SNRNP70: variants seen among roughly 807,000 people sequenced by gnomAD.
SNRNP70 encodes small nuclear ribonucleoprotein U1 subunit 70, also known as U1 small nuclear ribonucleoprotein 70 kDa.
A neutral mutation model predicts 50.5 loss-of-function variants in SNRNP70; 8 were observed. That is an observed-to-expected ratio of 0.16 (90% CI 0.09 to 0.29). The LOEUF (loss-of-function observed/expected upper bound fraction) is 0.29, where lower values mean the gene tolerates loss of function less well. SNRNP70 is among the 10% of genes least tolerant of loss of function. SNRNP70 has a pLI of 1.00. For synonymous variants in SNRNP70, 320 were observed against 252.9 expected, an observed-to-expected ratio of 1.27 and a Z score of -2.52; for missense variants, 529 against 663.5, an observed-to-expected ratio of 0.80 and a Z score of 2.23.
chr19:49,094,567 G>A (rs974066571), intron 4 of SNRNP70, among the ~76,000 whole-genome samples: 2 of 152,100 alleles, frequency 1.3e-5, no homozygotes, highest in Admixed American at 6.6e-5. Context: ...TAATGGAAGC[G>A]GGCTCATGGG....
chr19:49,093,041 G>C (rs1056762217), intron 4 of SNRNP70, among the ~76,000 whole-genome samples: 7 of 147,840 alleles, frequency 4.7e-5, no homozygotes, highest in Non-Finnish European at 9.0e-5. Flanking sequence ...TCGGCCCCCA[G>C]AGTGTTGGGA....
chr19:49,098,326 C>T, intron 4 of SNRNP70, 101 bp from the exon 5 acceptor site: 1 of 967,712 alleles, frequency 1.0e-6, no homozygotes, highest in Non-Finnish European at 1.6e-6. Flanking sequence ...GGGCCTCTCC[C>T]AATGCCACCG....
Position 49,107,922 on chromosome 19 carries a change from C to T in SNRNP70, c.793C>T (p.Arg265Cys). 2 of 1,547,432 alleles carry T rather than the reference C, an allele frequency of 1.3e-6. No homozygotes were observed. Among genetic ancestry groups the T allele is most frequent in the African/African-American group, 1.4e-5 (1 of 72,914 alleles). Residue 265 changes from arginine to cysteine, a missense_variant, in exon 10 of 10, where the codon CGC (arginine) becomes TGC (cysteine). Arg to Cys is a radical substitution (Grantham distance 180, BLOSUM62 -3). This residue lies in a region of SNRNP70 where 327 missense variants were observed against 308.8 expected (regional missense o/e 1.06). Transcript: ENST00000598441. This position sits in a 1 kb window ranked among gnomAD's most constrained non-coding sequence, Gnocchi z 6.0. ...CTCCCGCTCCCGGGACCGGCGGAGG[C>T]GCTCACGGAGTCGCGACAAGGAGGA... is the stretch of plus-strand genomic sequence containing the variant. ...RRSRSRDRRR[R>C]SRSRDKEERR...
chr19:49,091,977 C>G (rs1730588366), intron 4 of SNRNP70, among the ~76,000 whole-genome samples: 1 of 152,216 alleles, frequency 6.6e-6, no homozygotes, highest in Admixed American at 6.5e-5. Context: ...TCACCAAGAC[C>G]TATTTGTGTT....
At chr19:49,095,536 CTTT>C (rs751326005) in intron 4 of SNRNP70, among the ~76,000 whole-genome samples, 6 of 137,484 alleles carry the variant, frequency 4.4e-5, no homozygotes, top group Admixed American at 7.3e-5. Context: ...GGGTAGACAC[CTTT>C]TTTTTTTTTT....
chr19:49,101,627 T>TA (rs1332902932), intron 7 of SNRNP70, 156 bp downstream of exon 7: 3 of 611,282 alleles, frequency 4.9e-6, no homozygotes, highest in Non-Finnish European at 5.9e-6. Flanking sequence ...TTTTTTTTTT[T>TA]TATATACGTG....
chr19:49,091,697 A>G (rs1334898846), intron 4 of SNRNP70, among the ~76,000 whole-genome samples: 1 of 152,204 alleles, frequency 6.6e-6, no homozygotes, highest in Non-Finnish European at 1.5e-5. Flanking sequence ...CCTGGAGTGC[A>G]GGATTTCCTC....
intron 6 of SNRNP70, among the ~76,000 whole-genome samples, chr19:49,099,210 GCTTGAGGCCATC>G (rs1247005430): frequency 6.6e-6 from 1 of 152,176 alleles, no homozygotes; most frequent in Non-Finnish European, 1.5e-5. Flanking sequence ...AGTAGTGAGG[GCTTGAGGCCATC>G]CTACACACAA....
In SNRNP70 at chr19:49,104,339, C is replaced by G; in HGVS notation, c.476-295C>G. On this transcript the variant is annotated intron_variant, in intron 7 of 9. Coordinates refer to ENST00000598441, the MANE Select transcript of SNRNP70 (RefSeq NM_003089.6). This position sits in a 1 kb window ranked among gnomAD's most constrained non-coding sequence, Gnocchi z 5.4. ...GCCGCCCTGGCGGGAGGGGGCTGTT[C>G]CATCATGTGGGAGAGGAAGGGCCGG... The G allele has an allele frequency of 2.7e-6, 1 of 366,626 alleles. No individual in the cohort carries two copies. The highest frequency in any genetic ancestry group is 5.0e-6 in the Non-Finnish European group (1 of 199,476). The allele number at this position is 366,626 out of a possible 1,614,324, so 22.7% of individuals were successfully genotyped here. A position where few individuals can be genotyped will look rare whatever the true frequency, so the allele number is the denominator to read the frequency against.
chr19:49,092,997 C>G (rs117579135), intron 4 of SNRNP70, among the ~76,000 whole-genome samples: 1 of 149,542 alleles, frequency 6.7e-6, no homozygotes, highest in Non-Finnish European at 1.5e-5. Context: ...CTCACTGCAA[C>G]CTTGAATTCC....
At chr19:49,097,243 C>T (rs756826417) in intron 4 of SNRNP70, among the ~76,000 whole-genome samples, 1 of 152,134 alleles carries the variant, frequency 6.6e-6, no homozygotes, top group African/African-American at 2.4e-5. Context: ...GTTCAAGTGC[C>T]CGGGGTGAGA....
chr19:49,107,193 TGCTGCCTCTACCACCA>T lies in SNRNP70; in HGVS notation c.578-430_578-415del, dbSNP rs919173506. Reference sequence around the variant, plus strand: ...CTCAGACGCTAGCAGGGCCCGCTCTTGCTGCCTCTACCACCAGTTGACGAGGAGTTTGGACCTTAGG... The same window carrying T: ...CTCAGACGCTAGCAGGGCCCGCTCTTGTTGACGAGGAGTTTGGACCTTAGG... On this transcript the variant is annotated intron_variant, in intron 8 of 9. Coordinates refer to ENST00000598441, the MANE Select transcript of SNRNP70 (RefSeq NM_003089.6). This position sits in a 1 kb window ranked among gnomAD's most constrained non-coding sequence, Gnocchi z 6.0. 5.9e-5 allele frequency among the ~76,000 whole-genome samples: 9 copies of T among 152,166 alleles called. No homozygotes were observed. The highest frequency in any genetic ancestry group is 2.1e-4 in the South Asian group (1 of 4,832).
At position 49,085,636 on chromosome 19, in the gene SNRNP70, GGTGA is replaced by G. The variant is rs530412576; in HGVS notation, c.-11+8_-11+11del. ...CGCCAGAGCGAGGAGGGCGCTACGCGGTGAGTGAGTGTGACTGAGTGGCCCGACG... is the reference window on the plus strand; with the variant it reads ...CGCCAGAGCGAGGAGGGCGCTACGCGGTGAGTGTGACTGAGTGGCCCGACG... On this transcript the variant is annotated splice_donor_variant and splice_donor_region_variant and intron_variant, in intron 1 of 9. Transcript: ENST00000598441. LOFTEE classifies it low-confidence loss of function (5UTR_SPLICE). 198 of 456,070 alleles carry G rather than the reference GGTGA, an allele frequency of 4.3e-4. No individual in the cohort carries two copies. Among genetic ancestry groups the G allele is most frequent in the African/African-American group, 2.4e-3 (120 of 50,210 alleles). 28.3% of individuals were successfully genotyped at this position (456,070 alleles called of 1,614,324 possible).
chr19:49,088,161 G>A (rs552443523), intron 2 of SNRNP70, among the ~76,000 whole-genome samples: 1 of 150,346 alleles, frequency 6.7e-6, no homozygotes. Flanking sequence ...AGAGTGCTGG[G>A]ATTACAGGTG....
intron 6 of SNRNP70, among the ~76,000 whole-genome samples, chr19:49,100,175 A>G (rs2040564287): frequency 6.6e-6 from 1 of 151,944 alleles, no homozygotes; most frequent in African/African-American, 2.4e-5. Context: ...CCTCCCAGAA[A>G]TCTTCCCTGG....
intron 4 of SNRNP70, among the ~76,000 whole-genome samples, chr19:49,096,312 C>T: frequency 6.6e-6 from 1 of 152,064 alleles, no homozygotes; most frequent in South Asian, 2.1e-4. Context: ...CCGCCTTAGC[C>T]TCCCAAATTG....
In SNRNP70 at chr19:49,107,918, G is replaced by C. The variant is rs2040696509; in HGVS notation, c.789G>C (p.Arg263=). 1.3e-6 allele frequency: 2 copies of C among 1,547,850 alleles called. No homozygotes were observed. The highest frequency in any genetic ancestry group is 2.0e-5 in the Admixed American group (1 of 50,932). The change falls in exon 10 of 10, where the codon CGG becomes CGC. Residue 263 remains arginine (R), a synonymous_variant. Transcript: ENST00000598441. The surrounding 1 kb of genome is among the most constrained non-coding windows in gnomAD (Gnocchi z 6.0). ...ERRRSRSRDR[R]RRSRSRDKEE... is the part of the protein sequence containing the mutation. ...GACGCTCCCGCTCCCGGGACCGGCG[G>C]AGGCGCTCACGGAGTCGCGACAAGG...
At chr19:49,090,428 T>G in intron 3 of SNRNP70, 38 bp from the exon 4 acceptor site, 2 of 1,613,790 alleles carry the variant, frequency 1.2e-6, no homozygotes, top group South Asian at 1.1e-5. Flanking sequence ...GGCACTTCTA[T>G]CTGCATTCAC....
chr19:49,094,862 C>G (rs1600278360), intron 4 of SNRNP70, among the ~76,000 whole-genome samples: 1 of 152,214 alleles, frequency 6.6e-6, no homozygotes, highest in East Asian at 1.9e-4. Context: ...CTTGTTGAGG[C>G]AAGCACGCTT....
Sources: gnomAD v4.1 joint callset for allele counts (sites outside exome capture counted in the v4.1 genomes callset) on GRCh38, gnomAD v4.1.1 for gene constraint, gnomAD v4.1.1 regional missense constraint, Gnocchi (gnomAD v3.1) non-coding constraint, MANE v1.5 for transcripts, NCBI Gene and HGNC (gene_info 2026-07-23, HGNC 2026-07-21) for gene names.